The following WDR59 variants were observed in gnomAD, a reference collection of about 807,000 sequenced individuals.
The protein encoded by WDR59 is WD repeat domain 59.
A neutral mutation model predicts 131.2 loss-of-function variants in WDR59; 100 were observed. The ratio of observed to expected loss-of-function variants is 0.76; its 90% CI spans 0.65 to 0.90. The LOEUF (loss-of-function observed/expected upper bound fraction) is 0.90, where lower values mean the gene tolerates loss of function less well. Among genes scored for constraint, WDR59 ranks in the 40% least tolerant of loss-of-function variants. The pLI, the probability that WDR59 is intolerant of heterozygous loss-of-function variation, is 0.00. For synonymous variants in WDR59, 601 were observed against 466.2 expected (o/e 1.29, Z -3.72); for missense variants, 1,203 against 1,262.2 (o/e 0.95, Z 0.71).
intron 6 of WDR59, among the ~76,000 whole-genome samples, chr16:74,945,078 C>T (rs537430286): frequency 2.6e-5 from 4 of 151,290 alleles, no homozygotes; most frequent in South Asian, 4.2e-4. Context: ...GAGCCAAGAT[C>T]GTGTCACCGC....
intron 7 of WDR59, among the ~76,000 whole-genome samples, chr16:74,939,653 A>T (rs533825795): frequency 6.6e-6 from 1 of 152,134 alleles, no homozygotes; most frequent in Non-Finnish European, 1.5e-5. Flanking sequence ...TACAGAGAGC[A>T]TGTATTACTT....
In WDR59 at chr16:74,970,495, C is replaced by CAAAAAAAAAAAAAAAAA. The variant is rs746574195; in HGVS notation, c.55-4690_55-4674dup. On this transcript the variant is annotated intron_variant, in intron 1 of 25. Transcript: ENST00000262144. The stretch of plus-strand genomic sequence containing the variant: ...GGGTGACAGAGAGAGACTCTGTCTC[C>CAAAAAAAAAAAAAAAAA]AAAAAAAAAAAAAAAAAAAAAAAAA... Among the ~76,000 whole-genome samples the CAAAAAAAAAAAAAAAAA allele has an allele frequency of 1.5e-3, 50 of 33,372 alleles. 10 individuals are homozygous for CAAAAAAAAAAAAAAAAA. Among genetic ancestry groups the CAAAAAAAAAAAAAAAAA allele is most frequent in the Non-Finnish European group, 2.1e-3 (33 of 15,638 alleles). 21.9% of individuals were successfully genotyped at this position (33,372 alleles called of 152,430 possible). A position where few individuals can be genotyped will look rare whatever the true frequency, so the allele number is the denominator to read the frequency against.
At chr16:74,935,567 T>A (rs1047652588) in intron 8 of WDR59, among the ~76,000 whole-genome samples, 3 of 151,846 alleles carry the variant, frequency 2.0e-5, no homozygotes, top group Non-Finnish European at 1.5e-5. Context: ...TAAAAATAAT[T>A]AATATAAATT....
chr16:74,918,188 A>G (rs181345770), intron 10 of WDR59, among the ~76,000 whole-genome samples, 180 bp from the exon 11 acceptor site: 4 of 152,336 alleles, frequency 2.6e-5, no homozygotes, highest in Admixed American at 6.5e-5. Context: ...TTCTATCTTT[A>G]TAGATCTCGC....
intron 1 of WDR59, among the ~76,000 whole-genome samples, chr16:74,983,414 A>C (rs375234503): frequency 6.6e-6 from 1 of 152,148 alleles, no homozygotes. Context: ...CAGAGGTTGC[A>C]GTGAACCAAG....
intron 7 of WDR59, among the ~76,000 whole-genome samples, chr16:74,941,746 T>C (rs1430268620): frequency 6.6e-6 from 1 of 151,086 alleles, no homozygotes; most frequent in Non-Finnish European, 1.5e-5. Context: ...AATCACCTTC[T>C]CACCTAAGAG....
In WDR59 at chr16:74,874,041, G is replaced by T. The variant is rs1964083597; in HGVS notation, c.*168C>A. The T allele has an allele frequency of 1.6e-6, 1 of 615,732 alleles. No individual in the cohort carries two copies. The highest frequency in any genetic ancestry group is 2.8e-6 in the Non-Finnish European group (1 of 351,650). The allele number at this position is 615,732 out of a possible 1,614,324, so 38.1% of individuals were successfully genotyped here. A position where few individuals can be genotyped will look rare whatever the true frequency, so the allele number is the denominator to read the frequency against. ...ATCCACACCAGGTGGCCAAACAGAA[G>T]AGAAGGCAGAGGCCCACCAAGAGCT... is the stretch of plus-strand genomic sequence containing the variant. On this transcript the variant is annotated 3_prime_UTR_variant, in exon 26 of 26. Coordinates refer to ENST00000262144, the MANE Select transcript of WDR59 (RefSeq NM_030581.4).
intron 6 of WDR59, among the ~76,000 whole-genome samples, 156 bp downstream of exon 6, chr16:74,948,363 A>G (rs1443399677): frequency 6.6e-6 from 1 of 152,134 alleles, no homozygotes; most frequent in African/African-American, 2.4e-5. Context: ...TTGCAACAAC[A>G]TGAGACTTAC....
intron 18 of WDR59, among the ~76,000 whole-genome samples, chr16:74,895,169 TGAA>T (rs1965236741): frequency 6.6e-6 from 1 of 152,192 alleles, no homozygotes; most frequent in Admixed American, 6.5e-5. Flanking sequence ...GGCAGGTAAA[TGAA>T]GAAGTTTAGC....
intron 19 of WDR59, 135 bp downstream of exon 19, chr16:74,893,544 A>T: frequency 1.1e-6 from 1 of 924,656 alleles, no homozygotes; most frequent in Non-Finnish European, 1.6e-6. Context: ...ATTTGTCCAC[A>T]GCAACAGAAA....
At chr16:74,948,059 A>C (rs1010896901) in intron 6 of WDR59, among the ~76,000 whole-genome samples, 1 of 152,196 alleles carries the variant, frequency 6.6e-6, no homozygotes, top group Non-Finnish European at 1.5e-5. Flanking sequence ...AACAAGAGCA[A>C]GACTCTGTCT....
chr16:74,913,709 C>A (rs1170139993), intron 13 of WDR59, among the ~76,000 whole-genome samples: 1 of 152,128 alleles, frequency 6.6e-6, no homozygotes, highest in Non-Finnish European at 1.5e-5. Flanking sequence ...CCAGACTCAA[C>A]TTAAAAAGTG....
At position 74,888,217 on chromosome 16, in the gene WDR59, C is replaced by A; in HGVS notation, c.2298G>T (p.Gly766=). ...GATTAGAAGAACGGTTAGGAAAAGGCCCAAAGGGGTTTGGTAGCCCCTGAG... is the reference window on the plus strand; with the variant it reads ...GATTAGAAGAACGGTTAGGAAAAGGACCAAAGGGGTTTGGTAGCCCCTGAG... ...SRPQGLPNPF[G]PFPNRSSNLV... Residue 766 remains glycine, a synonymous_variant, in exon 22 of 26, where the codon GGG becomes GGT. Coordinates refer to ENST00000262144, the MANE Select transcript of WDR59 (RefSeq NM_030581.4). 1 of 1,614,000 alleles carries A rather than the reference C, an allele frequency of 6.2e-7. No homozygotes were observed. Among genetic ancestry groups the A allele is most frequent in the South Asian group, 1.1e-5 (1 of 91,080 alleles).
chr16:74,979,603 C>T (rs1294968518), intron 1 of WDR59, among the ~76,000 whole-genome samples: 19 of 150,922 alleles, frequency 1.3e-4, no homozygotes, highest in Non-Finnish European at 2.1e-4. Context: ...TGCAGTGGCA[C>T]GATCTAGGCT....
intron 1 of WDR59, among the ~76,000 whole-genome samples, chr16:74,978,073 T>C (rs1306308627): frequency 1.3e-5 from 2 of 151,504 alleles, no homozygotes; most frequent in African/African-American, 4.9e-5. Context: ...TACCCAGGAC[T>C]GGCCAGGCAC....
Position 74,871,660 on chromosome 16 carries a change from T to C in WDR59, c.*2549A>G, listed in dbSNP as rs1964014120. ...GATAGGGACAGGTTTTTACACTAACTTGAGCAGTGGGGAACAGGAAAAGAT... is the reference window on the plus strand; with the variant it reads ...GATAGGGACAGGTTTTTACACTAACCTGAGCAGTGGGGAACAGGAAAAGAT... On this transcript the variant is annotated 3_prime_UTR_variant, in exon 26 of 26. Coordinates refer to ENST00000262144, the MANE Select transcript of WDR59 (RefSeq NM_030581.4). The C allele has an allele frequency of 6.6e-6, 1 of 152,218 alleles. No homozygotes were observed. The highest frequency in any genetic ancestry group is 6.5e-5 in the Admixed American group (1 of 15,280). The allele number at this position is 152,218 out of a possible 1,614,324, so 9.4% of individuals were successfully genotyped here.
chr16:74,877,345 A>G (rs1964264199), intron 25 of WDR59, among the ~76,000 whole-genome samples: 2 of 152,228 alleles, frequency 1.3e-5, no homozygotes, highest in Non-Finnish European at 2.9e-5. Flanking sequence ...AAAACTGTTC[A>G]GTGACGAAGA....
chr16:74,938,301 G>C (rs760093832), intron 7 of WDR59, 35 bp from the exon 8 acceptor site: 1 of 1,393,752 alleles, frequency 7.2e-7, no homozygotes, highest in South Asian at 1.6e-5. Context: ...TATCGATTTA[G>C]AAAGAACTCT....
chr16:74,938,330 A>G (rs12445164), intron 7 of WDR59, 64 bp from the exon 8 acceptor site: 9 of 1,167,244 alleles, frequency 7.7e-6, no homozygotes, highest in African/African-American at 1.6e-5. Flanking sequence ...CTATCACGTA[A>G]AAGTCTGCTA....
Sources: gnomAD v4.1 joint callset for allele counts (sites outside exome capture counted in the v4.1 genomes callset) on GRCh38, gnomAD v4.1.1 for gene constraint, MANE v1.5 for transcripts, NCBI Gene and HGNC (gene_info 2026-07-23, HGNC 2026-07-21) for gene names.